The following KCNQ3 variants were observed in gnomAD, a reference collection of about 807,000 sequenced individuals.
KCNQ3 encodes potassium voltage-gated channel subfamily Q member 3.
Under a neutral mutation model 92.5 loss-of-function variants are expected in KCNQ3, and 30 were observed. The ratio of observed to expected loss-of-function variants is 0.32; its 90% CI spans 0.24 to 0.44. KCNQ3 has a LOEUF of 0.44. Among genes scored for constraint, KCNQ3 ranks in the 20% least tolerant of loss-of-function variants. KCNQ3 has a pLI of 1.00. For missense variants in KCNQ3, 913 were observed against 1,140.3 expected, an observed-to-expected ratio of 0.80 and a Z score of 2.87; for synonymous variants, 450 against 468.8, an observed-to-expected ratio of 0.96 and a Z score of 0.52.
At position 132,270,120 on chromosome 8, in the gene KCNQ3, T is replaced by C. The variant is rs563267403; in HGVS notation, c.387-83939A>G. ...GCTTCCCTAGGATTTCTAAGCTTTATGATTTTCCTGAAAAAAAAAAAATTA... is the reference window on the plus strand; with the variant it reads ...GCTTCCCTAGGATTTCTAAGCTTTACGATTTTCCTGAAAAAAAAAAAATTA... On this transcript the variant is annotated intron_variant, in intron 1 of 14. Transcript: ENST00000388996. 8.2e-4 allele frequency among the ~76,000 whole-genome samples: 95 copies of C among 115,492 alleles called. No individual in the cohort carries two copies. In the East Asian group the frequency reaches 0.023, roughly 28 times the overall value. The allele number at this position is 115,492 out of a possible 152,430, so 75.8% of individuals were successfully genotyped here.
chr8:132,187,790 CGGT>C (rs1827026845), intron 1 of KCNQ3, among the ~76,000 whole-genome samples: 1 of 80,726 alleles, frequency 1.2e-5, no homozygotes, highest in Non-Finnish European at 2.7e-5. Context: ...ATGGTGGTGG[CGGT>C]GGTGGTGATA....
intron 1 of KCNQ3, among the ~76,000 whole-genome samples, chr8:132,255,697 A>G (rs960583915): frequency 6.6e-6 from 1 of 152,214 alleles, no homozygotes; most frequent in African/African-American, 2.4e-5. Flanking sequence ...ACCTTTATCA[A>G]TGACTGAAAG....
intron 1 of KCNQ3, among the ~76,000 whole-genome samples, chr8:132,239,724 G>T (rs1297352168): frequency 1.3e-5 from 2 of 152,208 alleles, no homozygotes; most frequent in African/African-American, 2.4e-5. Flanking sequence ...TGTAGAAAAT[G>T]CTCAGTTAAA....
chr8:132,223,577 G>A (rs1050816683), intron 1 of KCNQ3, among the ~76,000 whole-genome samples: 2 of 152,188 alleles, frequency 1.3e-5, no homozygotes, highest in Non-Finnish European at 2.9e-5. Context: ...GAAAGCATGA[G>A]TGCAAGCTAT....
chr8:132,231,771 T>C (rs1017260780), intron 1 of KCNQ3, among the ~76,000 whole-genome samples: 40 of 152,368 alleles, frequency 2.6e-4, no homozygotes, highest in Admixed American at 1.3e-4. Context: ...TCCTCTGCCA[T>C]GTTCTAAGCC....
At chr8:132,158,309 G>A (rs1419189817) in intron 9 of KCNQ3, among the ~76,000 whole-genome samples, 1 of 152,188 alleles carries the variant, frequency 6.6e-6, no homozygotes, top group Non-Finnish European at 1.5e-5. Flanking sequence ...AAGCATGGAA[G>A]GTGTTTGATT....
chr8:132,187,714 GTGGTGA>G (rs1376724310), intron 1 of KCNQ3, among the ~76,000 whole-genome samples: 3 of 145,276 alleles, frequency 2.1e-5, no homozygotes, highest in Non-Finnish European at 4.5e-5. Context: ...GGTGGTGGTG[GTGGTGA>G]TGGTGGTGAT....
At chr8:132,140,246 C>T (rs765364720) in intron 10 of KCNQ3, 68 bp from the exon 11 acceptor site, 40 of 1,094,348 alleles carry the variant, frequency 3.7e-5, no homozygotes, top group South Asian at 5.2e-5. Context: ...CCCCACTGTT[C>T]GGTCAAAGCC....
chr8:132,414,062 A>G lies in KCNQ3; in HGVS notation c.386+66085T>C, dbSNP rs146629466. On this transcript the variant is annotated intron_variant, in intron 1 of 14. Coordinates refer to ENST00000388996, the MANE Select transcript of KCNQ3 (RefSeq NM_004519.4). ...AATTGCAGGGCTCAGGCCCCAGGAC[A>G]CAAAATAATAGTTAATAATAGTGAG... Among the ~76,000 whole-genome samples, 276 of 152,358 alleles carry G rather than the reference A, an allele frequency of 1.8e-3. 1 individual carries two copies. Among genetic ancestry groups the G allele is most frequent in the African/African-American group, 6.3e-3 (264 of 41,586 alleles).
chr8:132,249,280 C>A (rs974237899), intron 1 of KCNQ3, among the ~76,000 whole-genome samples: 3 of 152,180 alleles, frequency 2.0e-5, no homozygotes, highest in Non-Finnish European at 2.9e-5. Context: ...CCACATCCTG[C>A]CGATTGGTCC....
chr8:132,416,034 T>C (rs1820794365), intron 1 of KCNQ3, among the ~76,000 whole-genome samples: 1 of 152,168 alleles, frequency 6.6e-6, no homozygotes, highest in Non-Finnish European at 1.5e-5. Flanking sequence ...CAGGCCACAG[T>C]GGTGGCACTG....
intron 1 of KCNQ3, among the ~76,000 whole-genome samples, chr8:132,397,329 C>A (rs1820218935): frequency 6.6e-6 from 1 of 152,040 alleles, no homozygotes; most frequent in East Asian, 1.9e-4. Flanking sequence ...AGTCACCTTT[C>A]CAGTTGGGTG....
chr8:132,217,728 A>C (rs1282722668), intron 1 of KCNQ3, among the ~76,000 whole-genome samples: 3 of 151,554 alleles, frequency 2.0e-5, no homozygotes, highest in South Asian at 2.1e-4. Context: ...AAAAAAAAAA[A>C]AACAAAACAC....
In KCNQ3 at chr8:132,129,797, G is replaced by T. The variant is rs760983146; in HGVS notation, c.2084C>A (p.Pro695Gln). ...CNYSETGPPEPPYSFHQVTID... is the reference protein window; with the variant it reads ...CNYSETGPPEQPYSFHQVTID... The stretch of plus-strand genomic sequence containing the variant: ...GGTCACCTGGTGGAAGCTGTAGGGT[G>T]GTTCCGGGGGGCCTGTCTCAGAATA... The change falls in exon 15 of 15, where the codon CCA (proline) becomes CAA (glutamine). Residue 695 changes from proline to glutamine, a missense_variant. Physicochemically the swap from Pro to Gln is moderately conservative, Grantham distance 76. Around this residue, in one of 6 missense-constraint regions of KCNQ3, gnomAD observed 375 missense variants for 376.4 expected, o/e 1.00. Coordinates refer to ENST00000388996, the MANE Select transcript of KCNQ3 (RefSeq NM_004519.4). This position sits in a 1 kb window ranked among gnomAD's most constrained non-coding sequence, Gnocchi z 5.9. The T allele has an allele frequency of 1.2e-6, 2 of 1,614,074 alleles. No homozygotes were observed. The highest frequency in any genetic ancestry group is 1.7e-6 in the Non-Finnish European group (2 of 1,180,046).
intron 1 of KCNQ3, among the ~76,000 whole-genome samples, chr8:132,198,191 G>A (rs1827359476): frequency 6.6e-6 from 1 of 152,184 alleles, no homozygotes; most frequent in Admixed American, 6.5e-5. Flanking sequence ...TGTGGCCTCT[G>A]GCCAACAACC....
chr8:132,202,426 A>C (rs1279666204), intron 1 of KCNQ3, among the ~76,000 whole-genome samples: 1 of 152,090 alleles, frequency 6.6e-6, no homozygotes, highest in Non-Finnish European at 1.5e-5. Context: ...GGAGCTTCCT[A>C]CATCTTTCAA....
At chr8:132,286,332 T>C (rs1159442063) in intron 1 of KCNQ3, among the ~76,000 whole-genome samples, 13 of 152,206 alleles carry the variant, frequency 8.5e-5, no homozygotes, top group Non-Finnish European at 1.5e-4. Flanking sequence ...CCCATTCCAG[T>C]GTGCTCAGGA....
chr8:132,146,568 G>A (rs919667278), intron 9 of KCNQ3, among the ~76,000 whole-genome samples: 9 of 150,894 alleles, frequency 6.0e-5, no homozygotes, highest in African/African-American at 2.2e-4. Flanking sequence ...CATAACCATT[G>A]TGAATACACC....
rs532602090 is a variant in KCNQ3 at position 132,392,633 on chromosome 8, C to T, written c.386+87514G>A. 1.4e-4 allele frequency among the ~76,000 whole-genome samples: 21 copies of T among 152,056 alleles called. 1 individual carries two copies. In the South Asian group the frequency reaches 4.4e-3, roughly 32 times the overall value. ...CCTGAGCAACACAGCAAGACCCTGA[C>T]TCTACAATTTTTTTTTAATTAGCTG... On this transcript the variant is annotated intron_variant, in intron 1 of 14. Coordinates refer to ENST00000388996, the MANE Select transcript of KCNQ3 (RefSeq NM_004519.4).
Sources: allele counts gnomAD v4.1 joint callset (sites outside exome capture counted in the v4.1 genomes callset), GRCh38; gene constraint gnomAD v4.1.1; regional missense constraint gnomAD v4.1.1; non-coding constraint Gnocchi (gnomAD v3.1); transcripts MANE v1.5; gene names NCBI Gene and HGNC (gene_info 2026-07-23, HGNC 2026-07-21).